DCDC1: variants seen among roughly 807,000 people sequenced by gnomAD.
DCDC1 encodes the protein doublecortin domain-containing protein 1.
In DCDC1, 200 loss-of-function variants were observed where a neutral mutation model predicts 178.3. The ratio of observed to expected loss-of-function variants is 1.12; its 90% CI spans 1.00 to 1.26. The LOEUF (loss-of-function observed/expected upper bound fraction) is 1.26. Among genes scored for constraint, DCDC1 ranks in the 50% most tolerant of loss-of-function variants. DCDC1 has a pLI of 0.00. For synonymous variants in DCDC1, 690 were observed against 604.8 expected, an observed-to-expected ratio of 1.14 and a Z score of -2.07; for missense variants, 1,983 against 1,749.2, an observed-to-expected ratio of 1.13 and a Z score of -2.38.
intron 20 of DCDC1, among the ~76,000 whole-genome samples, chr11:30,986,750 T>G (rs1950671450): frequency 6.6e-6 from 1 of 152,142 alleles, no homozygotes; most frequent in African/African-American, 2.4e-5. Flanking sequence ...GAATGAAAAT[T>G]TGTAGACAAT....
intron 9 of DCDC1, among the ~76,000 whole-genome samples, chr11:31,236,173 A>G: frequency 7.4e-6 from 1 of 134,314 alleles, no homozygotes; most frequent in South Asian, 2.5e-4. Flanking sequence ...CACTATTTCA[A>G]TATCACTTCT....
intron 25 of DCDC1, among the ~76,000 whole-genome samples, 158 bp downstream of exon 25, chr11:30,920,618 C>A (rs1946181698): frequency 6.6e-6 from 1 of 152,156 alleles, no homozygotes; most frequent in Non-Finnish European, 1.5e-5. Flanking sequence ...GTAGTTGTAT[C>A]ATTTTGCCGG....
chr11:30,981,472 A>T (rs1950391947), intron 20 of DCDC1, among the ~76,000 whole-genome samples: 1 of 152,200 alleles, frequency 6.6e-6, no homozygotes, highest in African/African-American at 2.4e-5. Flanking sequence ...GTTAAATGTG[A>T]TGTTATTGTT....
intron 21 of DCDC1, among the ~76,000 whole-genome samples, chr11:30,946,929 C>T (rs1387353925): frequency 6.6e-6 from 1 of 152,144 alleles, no homozygotes; most frequent in African/African-American, 2.4e-5. Context: ...GGAAATCTAA[C>T]AGGAGACCAT....
intron 18 of DCDC1, among the ~76,000 whole-genome samples, chr11:31,072,960 T>C (rs1845573062): frequency 6.6e-6 from 1 of 152,154 alleles, no homozygotes; most frequent in Non-Finnish European, 1.5e-5. Flanking sequence ...GTTATTAATA[T>C]CCTAAAGCAG....
At chr11:30,891,894 T>A (rs1943807560) in intron 36 of DCDC1, among the ~76,000 whole-genome samples, 1 of 152,182 alleles carries the variant, frequency 6.6e-6, no homozygotes. Context: ...TGGATTAATG[T>A]CCAGGGGCAG....
chr11:31,011,483 C>CCAT (rs1232745279), intron 20 of DCDC1, among the ~76,000 whole-genome samples: 7 of 151,994 alleles, frequency 4.6e-5, no homozygotes, highest in Admixed American at 4.6e-4. Flanking sequence ...AAAAAGGAAG[C>CCAT]CATCATGACC....
chr11:31,219,678 G>A (rs987246880), intron 9 of DCDC1, among the ~76,000 whole-genome samples: 9 of 152,134 alleles, frequency 5.9e-5, no homozygotes, highest in Non-Finnish European at 1.2e-4. Context: ...CACTGTGCTC[G>A]ACAAAGGTGG....
At chr11:31,265,049 G>GCCTACT (rs1945057110) in intron 8 of DCDC1, among the ~76,000 whole-genome samples, 1 of 152,032 alleles carries the variant, frequency 6.6e-6, no homozygotes, top group Non-Finnish European at 1.5e-5. Context: ...TGGGTTACTG[G>GCCTACT]AGTTCTTCCT....
intron 6 of DCDC1, among the ~76,000 whole-genome samples, chr11:31,301,195 C>A (rs1948094129): frequency 6.6e-6 from 1 of 152,040 alleles, no homozygotes; most frequent in Non-Finnish European, 1.5e-5. Context: ...CCACATAATG[C>A]CATCTTCCTC....
intron 8 of DCDC1, among the ~76,000 whole-genome samples, chr11:31,247,469 A>G (rs1294312455): frequency 1.3e-5 from 2 of 151,724 alleles, no homozygotes; most frequent in African/African-American, 4.8e-5. Context: ...GGTTCATCAG[A>G]TTTGGGGGTT....
chr11:31,291,747 TGAGA>T (rs989918820), intron 6 of DCDC1, among the ~76,000 whole-genome samples: 1 of 152,132 alleles, frequency 6.6e-6, no homozygotes, highest in Admixed American at 6.5e-5. Flanking sequence ...TTATTTGTTC[TGAGA>T]GAAACATAAT....
chr11:30,944,741 A>G (rs1003475339), intron 21 of DCDC1, among the ~76,000 whole-genome samples: 1 of 152,144 alleles, frequency 6.6e-6, no homozygotes, highest in Non-Finnish European at 1.5e-5. Context: ...AGTCATTTTG[A>G]AATACATAGT....
At chr11:31,024,047 C>A (rs1443667568) in intron 20 of DCDC1, among the ~76,000 whole-genome samples, 1 of 151,860 alleles carries the variant, frequency 6.6e-6, no homozygotes, top group Non-Finnish European at 1.5e-5. Flanking sequence ...AGGGGTTTAT[C>A]TTAGGAGCAC....
chr11:31,144,281 C>T (rs1043548137), intron 9 of DCDC1, among the ~76,000 whole-genome samples: 5 of 151,946 alleles, frequency 3.3e-5, no homozygotes, highest in East Asian at 1.9e-4. Flanking sequence ...ACTACAGGCG[C>T]GTGCCACCAC....
At chr11:30,874,183 T>G (rs2133938877) in intron 38 of DCDC1, among the ~76,000 whole-genome samples, 1 of 152,318 alleles carries the variant, frequency 6.6e-6, no homozygotes, top group East Asian at 1.9e-4. Context: ...GCACTGTCCC[T>G]GGCAGGCCTA....
chr11:31,125,129 C>A lies in DCDC1; in HGVS notation c.1485+2340G>T, dbSNP rs182894765. Among the ~76,000 whole-genome samples the A allele has an allele frequency of 6.6e-3, 1,011 of 152,038 alleles. 5 individuals are homozygous for A. The highest frequency in any genetic ancestry group is 8.8e-3 in the Admixed American group (134 of 15,268). On this transcript the variant is annotated intron_variant, in intron 11 of 38. Coordinates refer to ENST00000684477, the MANE Select transcript of DCDC1 (RefSeq NM_001387274.1). ...AGTGGGCAAAGGATATGAATAGACA[C>A]TTCTTTAAAAAAAGACGTACATGTG...
At chr11:30,874,404 C>A (rs1941926909) in intron 38 of DCDC1, among the ~76,000 whole-genome samples, 1 of 152,052 alleles carries the variant, frequency 6.6e-6, no homozygotes, top group East Asian at 1.9e-4. Flanking sequence ...TGCCAATACA[C>A]AAATTGTTCC....
At position 30,915,651 on chromosome 11, in the gene DCDC1, A is replaced by C; in HGVS notation, c.3513T>G (p.Asp1171Glu). ...GAGCAGCATGGCTTATAATCTGCCC[A>C]TCTCTGTATTCGAACTGCTGATGAC... The part of the protein sequence containing the change: ...KHCHQQFEYR[D>E]GQIISHAAPQ... The change falls in exon 27 of 39, where the codon GAT becomes GAG. Residue 1171 changes from aspartate (D) to glutamate (E), a missense_variant. By Grantham distance (45) the Asp-to-Glu change is conservative (BLOSUM62 2). Transcript: ENST00000684477. 1 of 1,613,952 alleles carries C rather than the reference A, an allele frequency of 6.2e-7. No individual in the cohort carries two copies. The highest frequency in any genetic ancestry group is 8.5e-7 in the Non-Finnish European group (1 of 1,179,856).
Sources: allele counts gnomAD v4.1 joint callset (sites outside exome capture counted in the v4.1 genomes callset), GRCh38; gene constraint gnomAD v4.1.1; transcripts MANE v1.5; gene names NCBI Gene and HGNC (gene_info 2026-07-23, HGNC 2026-07-21).